Variants in PCSK5 observed in about 807,000 individuals in gnomAD.
The protein encoded by PCSK5 is prohormone convertase 5.
In PCSK5, 129 loss-of-function variants were observed where a neutral mutation model predicts 233.2. That is an observed-to-expected ratio of 0.55 (90% CI 0.48 to 0.64). The LOEUF is 0.64. Among genes scored for constraint, PCSK5 ranks in the 30% least tolerant of loss-of-function variants. The pLI is 0.00. For missense variants in PCSK5, 2,076 were observed against 2,430.1 expected (o/e 0.85, Z 3.06); for synonymous variants, 825 against 879.2 (o/e 0.94, Z 1.09).
rs781702074 is a variant in PCSK5, at chr9:76,049,392, T to C, written c.633-18563T>C. On this transcript the variant is annotated intron_variant, in intron 5 of 37. Transcript: ENST00000674117. ...TTTAGTACTTCCATAATGTTGATAG[T>C]CTCCCAATGTGAGTGGAAATGGCCC... 8.5e-4 allele frequency among the ~76,000 whole-genome samples: 129 copies of C among 152,190 alleles called. 1 individual carries two copies. Among genetic ancestry groups the C allele is most frequent in the Non-Finnish European group, 5.4e-4 (37 of 68,034 alleles).
chr9:76,295,107 T>C (rs1409134547), intron 25 of PCSK5, among the ~76,000 whole-genome samples, 168 bp from the exon 26 acceptor site: 1 of 151,900 alleles, frequency 6.6e-6, no homozygotes, highest in Non-Finnish European at 1.5e-5. Flanking sequence ...TGAGCCGAGA[T>C]CGACCACTGC....
intron 37 of PCSK5, among the ~76,000 whole-genome samples, chr9:76,357,177 T>C (rs1276586716): frequency 6.6e-6 from 1 of 152,184 alleles, no homozygotes; most frequent in Non-Finnish European, 1.5e-5. Flanking sequence ...ATATTCTCAA[T>C]CAAGGCATCA....
At position 76,327,308 on chromosome 9, in the gene PCSK5, T is replaced by C. The variant is rs150699798; in HGVS notation, c.4340-701T>C. On this transcript the variant is annotated intron_variant, in intron 32 of 37. Transcript: ENST00000674117. ...TTTTTCTAGAGACAGTGTCTTGCCATGTTGCTCAGGCTGGTCTCGAACTCC... is the reference window on the plus strand; with the variant it reads ...TTTTTCTAGAGACAGTGTCTTGCCACGTTGCTCAGGCTGGTCTCGAACTCC... 1.4e-3 allele frequency among the ~76,000 whole-genome samples: 212 copies of C among 152,062 alleles called. 7 individuals are homozygous for C. The East Asian group carries it at 0.038, about 28-fold the overall frequency.
chr9:76,027,495 C>A (rs1828478611), intron 5 of PCSK5, among the ~76,000 whole-genome samples: 1 of 152,156 alleles, frequency 6.6e-6, no homozygotes, highest in South Asian at 2.1e-4. Flanking sequence ...GTGTTTTTCA[C>A]TAATATACCT....
chr9:75,917,609 A>G (rs1381321965), intron 1 of PCSK5, among the ~76,000 whole-genome samples: 1 of 152,252 alleles, frequency 6.6e-6, no homozygotes, highest in Non-Finnish European at 1.5e-5. Flanking sequence ...AGATAGTATC[A>G]GTAAAACAGA....
intron 14 of PCSK5, among the ~76,000 whole-genome samples, chr9:76,177,907 C>A (rs2131207007): frequency 6.6e-6 from 1 of 151,786 alleles, no homozygotes; most frequent in Non-Finnish European, 1.5e-5. Context: ...ATTTGCCATA[C>A]AGTGAGAGCC....
intron 1 of PCSK5, among the ~76,000 whole-genome samples, chr9:75,915,904 G>A (rs920658433): frequency 3.3e-5 from 5 of 152,078 alleles, no homozygotes; most frequent in African/African-American, 9.7e-5. Context: ...AATCTAGTGC[G>A]GGAAGTTACA....
chr9:76,207,160 C>T (rs1197471871), intron 20 of PCSK5, among the ~76,000 whole-genome samples: 1 of 152,096 alleles, frequency 6.6e-6, no homozygotes, highest in Non-Finnish European at 1.5e-5. Context: ...TTGGTGCCAC[C>T]CTGATAATCC....
intron 30 of PCSK5, among the ~76,000 whole-genome samples, chr9:76,316,244 T>A (rs1170807916): frequency 1.3e-5 from 2 of 152,062 alleles, no homozygotes; most frequent in Non-Finnish European, 2.9e-5. Context: ...CTGGCCCCAC[T>A]CTGAGTCATC....
At chr9:76,064,118 G>C (rs1288149706) in intron 5 of PCSK5, among the ~76,000 whole-genome samples, 7 of 119,968 alleles carry the variant, frequency 5.8e-5, no homozygotes, top group Non-Finnish European at 1.2e-4. Flanking sequence ...AGACGGGGCG[G>C]CTGGCTGGGC....
chr9:75,966,499 T>G (rs985137229), intron 2 of PCSK5, among the ~76,000 whole-genome samples: 4 of 152,220 alleles, frequency 2.6e-5, no homozygotes, highest in African/African-American at 7.2e-5. Context: ...GCCATCCCAA[T>G]CTCATGGGAA....
intron 37 of PCSK5, among the ~76,000 whole-genome samples, chr9:76,355,751 T>G (rs1345984854): frequency 6.6e-6 from 1 of 152,044 alleles, no homozygotes; most frequent in Admixed American, 6.6e-5. Context: ...TCACCCAGGC[T>G]GGAGTGCAAT....
chr9:76,240,523 A>G lies in PCSK5; in HGVS notation c.3074-93A>G, dbSNP rs868183776. 5.9e-5 allele frequency: 53 copies of G among 891,490 alleles called. 1 individual carries two copies. In the Middle Eastern group the frequency reaches 1.8e-3, roughly 30 times the overall value. 55.2% of individuals were successfully genotyped at this position (891,490 alleles called of 1,614,324 possible). A position where few individuals can be genotyped will look rare whatever the true frequency, so the allele number is the denominator to read the frequency against. On this transcript the variant is annotated intron_variant, in intron 23 of 37. Coordinates refer to ENST00000674117, the MANE Select transcript of PCSK5 (RefSeq NM_001372043.1). Reference sequence around the variant, plus strand: ...TCATAATTGCTCTATGATTTACTTTAAAATAAGCTACACACGAACATATTT... The same window carrying G: ...TCATAATTGCTCTATGATTTACTTTGAAATAAGCTACACACGAACATATTT...
At chr9:76,070,763 T>C (rs1417250587) in intron 6 of PCSK5, among the ~76,000 whole-genome samples, 1 of 152,216 alleles carries the variant, frequency 6.6e-6, no homozygotes, top group Non-Finnish European at 1.5e-5. Context: ...AGTCTCTATC[T>C]AAACCTGTTT....
At chr9:75,947,904 C>T (rs1824648830) in intron 2 of PCSK5, among the ~76,000 whole-genome samples, 1 of 152,140 alleles carries the variant, frequency 6.6e-6, no homozygotes, top group Non-Finnish European at 1.5e-5. Context: ...TGCAGTGGTA[C>T]AATCACAGTT....
intron 7 of PCSK5, among the ~76,000 whole-genome samples, chr9:76,094,622 A>G (rs1262610220): frequency 2.0e-5 from 3 of 151,234 alleles, no homozygotes; most frequent in African/African-American, 7.3e-5. Flanking sequence ...TTTTTTTTTC[A>G]AGATGGAGTC....
At chr9:75,975,054 T>TA (rs1000562843) in intron 2 of PCSK5, among the ~76,000 whole-genome samples, 12 of 152,138 alleles carry the variant, frequency 7.9e-5, no homozygotes, top group African/African-American at 2.9e-4. Flanking sequence ...TGGAAAGATT[T>TA]AAAAAACATA....
intron 5 of PCSK5, among the ~76,000 whole-genome samples, chr9:76,061,003 G>A (rs928576409): frequency 6.6e-6 from 1 of 152,046 alleles, no homozygotes; most frequent in Non-Finnish European, 1.5e-5. Context: ...TAAAAAATGT[G>A]TATACAAATT....
rs56937927 is a variant in PCSK5, at chr9:75,985,808, A to G, written c.298-324A>G. 7.1e-3 allele frequency among the ~76,000 whole-genome samples: 1,082 copies of G among 152,342 alleles called. 16 individuals carry two copies. Among genetic ancestry groups the G allele is most frequent in the African/African-American group, 0.024 (983 of 41,582 alleles). On this transcript the variant is annotated intron_variant, in intron 2 of 37. Transcript: ENST00000674117. ...CCCTTAGTATAAAGTAAGGATGAAA[A>G]GTTACCTTAAAAATTAACATTACCA...
Sources: gnomAD v4.1 joint callset for allele counts (sites outside exome capture counted in the v4.1 genomes callset) on GRCh38, gnomAD v4.1.1 for gene constraint, MANE v1.5 for transcripts, NCBI Gene and HGNC (gene_info 2026-07-23, HGNC 2026-07-21) for gene names.